Variants in ABCC4 observed in about 807,000 individuals in gnomAD.
The protein encoded by ABCC4 is ATP-binding cassette sub-family C member 4.
In ABCC4, 102 loss-of-function variants were observed where a neutral mutation model predicts 168.5. That is an observed-to-expected ratio of 0.61 (90% CI 0.52 to 0.71). ABCC4 has a LOEUF of 0.71. Ranked by LOEUF, ABCC4 falls within the 30% of genes least tolerant of loss-of-function variation. ABCC4 has a pLI of 0.00. For synonymous variants in ABCC4, 617 were observed against 590.7 expected, an observed-to-expected ratio of 1.04 and a Z score of -0.65; for missense variants, 1,402 against 1,605.8, an observed-to-expected ratio of 0.87 and a Z score of 2.17.
intron 1 of ABCC4, among the ~76,000 whole-genome samples, chr13:95,297,743 G>A (rs767635310): frequency 1.3e-5 from 2 of 152,192 alleles, no homozygotes; most frequent in East Asian, 3.9e-4. Context: ...GGCCGAGGCA[G>A]GCAGATCGCT....
intron 19 of ABCC4, among the ~76,000 whole-genome samples, chr13:95,124,069 T>A (rs922837129): frequency 6.6e-6 from 1 of 151,980 alleles, no homozygotes; most frequent in African/African-American, 2.4e-5. Flanking sequence ...AGGACTTGGG[T>A]GTGGAATGGG....
At chr13:95,091,869 C>G (rs1318917085) in intron 20 of ABCC4, among the ~76,000 whole-genome samples, 1 of 152,110 alleles carries the variant, frequency 6.6e-6, no homozygotes, top group Non-Finnish European at 1.5e-5. Flanking sequence ...TTAAAAGATA[C>G]AGAAGTGCAG....
At chr13:95,170,673 T>A in intron 13 of ABCC4, 45 bp from the exon 14 acceptor site, 3 of 1,142,634 alleles carry the variant, frequency 2.6e-6, no homozygotes, top group Non-Finnish European at 3.9e-6. Context: ...ATGAATGGGG[T>A]GCTCCACATT....
At chr13:95,175,572 T>A (rs1406925285) in intron 13 of ABCC4, among the ~76,000 whole-genome samples, 1 of 152,150 alleles carries the variant, frequency 6.6e-6, no homozygotes, top group Non-Finnish European at 1.5e-5. Context: ...CTTCCCAAAG[T>A]GCTGGGATTA....
intron 27 of ABCC4, among the ~76,000 whole-genome samples, chr13:95,047,320 T>G (rs893289520): frequency 3.9e-5 from 6 of 152,190 alleles, no homozygotes; most frequent in Non-Finnish European, 7.3e-5. Flanking sequence ...CTAAGATTAT[T>G]TTGAAGATGT....
intron 19 of ABCC4, among the ~76,000 whole-genome samples, chr13:95,142,723 T>C (rs1032450868): frequency 6.6e-6 from 1 of 152,212 alleles, no homozygotes; most frequent in South Asian, 2.1e-4. Flanking sequence ...CTTATCATCA[T>C]ACTACTTGTG....
At chr13:95,077,589 C>T (rs145676466) in intron 21 of ABCC4, among the ~76,000 whole-genome samples, 28 of 151,982 alleles carry the variant, frequency 1.8e-4, no homozygotes, top group Non-Finnish European at 3.5e-4. Context: ...CAGGCTGCCT[C>T]AGCCACCCAA....
chr13:95,180,846 G>A (rs924572941), intron 11 of ABCC4, among the ~76,000 whole-genome samples: 9 of 152,178 alleles, frequency 5.9e-5, no homozygotes, highest in Admixed American at 5.9e-4. Context: ...TGCAGACAGG[G>A]AATAGGGAAG....
intron 1 of ABCC4, among the ~76,000 whole-genome samples, chr13:95,288,865 G>A (rs2041324351): frequency 6.6e-6 from 1 of 152,094 alleles, no homozygotes; most frequent in Admixed American, 6.6e-5. Flanking sequence ...ACAATAATAG[G>A]TAAAATCTAT....
chr13:95,106,007 G>A (rs897956597), intron 20 of ABCC4, among the ~76,000 whole-genome samples: 1 of 152,118 alleles, frequency 6.6e-6, no homozygotes, highest in Non-Finnish European at 1.5e-5. Context: ...CCCATCAACT[G>A]GGAATAACGT....
chr13:95,289,188 A>C (rs745568934), intron 1 of ABCC4, among the ~76,000 whole-genome samples: 1 of 152,234 alleles, frequency 6.6e-6, no homozygotes, highest in Non-Finnish European at 1.5e-5. Context: ...TCTCAATCAC[A>C]TCCTGACCAA....
At chr13:95,286,530 G>A (rs80193066) in intron 1 of ABCC4, among the ~76,000 whole-genome samples, 1 of 135,938 alleles carries the variant, frequency 7.4e-6, no homozygotes, top group Non-Finnish European at 1.6e-5. Flanking sequence ...TGTGGCCTTT[G>A]TTTTTTTAAT....
rs1314933987 is a variant in ABCC4, at chr13:95,301,434, G to C, written c.-120C>G. On this transcript the variant is annotated 5_prime_UTR_variant, in exon 1 of 31. Coordinates refer to ENST00000645237, the MANE Select transcript of ABCC4 (RefSeq NM_005845.5). ...CTCCGGCCGCCACGCCTGTCCGCTC[G>C]GCTGGAGCCTGTGAAGCAGCCGCTT... 13 of 808,980 alleles carry C rather than the reference G, an allele frequency of 1.6e-5. No homozygotes were observed. The highest frequency in any genetic ancestry group is 2.3e-5 in the Non-Finnish European group (13 of 575,216). The allele number at this position is 808,980 out of a possible 1,614,324, so 50.1% of individuals were successfully genotyped here.
chr13:95,091,140 T>C (rs1368054552), intron 20 of ABCC4, among the ~76,000 whole-genome samples: 1 of 152,132 alleles, frequency 6.6e-6, no homozygotes, highest in Non-Finnish European at 1.5e-5. Flanking sequence ...CCAAGAAGTC[T>C]GGGATTATGT....
chr13:95,029,167 CATAT>C (rs67576340), intron 30 of ABCC4, among the ~76,000 whole-genome samples: 3,324 of 82,840 alleles, frequency 0.04, 228 homozygotes, highest in African/African-American at 0.052. Context: ...AAAAAAAATA[CATAT>C]ATATATATAT....
intron 13 of ABCC4, among the ~76,000 whole-genome samples, chr13:95,175,559 C>T (rs1177712792): frequency 2.0e-5 from 3 of 152,190 alleles, no homozygotes; most frequent in Non-Finnish European, 4.4e-5. Flanking sequence ...CTGCCTGCCT[C>T]GGCTTCCCAA....
chr13:95,275,251 T>G (rs1176291657), intron 1 of ABCC4, among the ~76,000 whole-genome samples: 1 of 152,232 alleles, frequency 6.6e-6, no homozygotes, highest in African/African-American at 2.4e-5. Context: ...GCTGTGATTT[T>G]ACTGCAGGTA....
chr13:95,139,005 T>C (rs2036228806), intron 19 of ABCC4, among the ~76,000 whole-genome samples: 1 of 152,198 alleles, frequency 6.6e-6, no homozygotes, highest in Non-Finnish European at 1.5e-5. Context: ...CTGGTTGGCT[T>C]GTCTCCTGTA....
chr13:95,073,291 C>T lies in ABCC4; in HGVS notation c.2931G>A (p.Gly977=), dbSNP rs776977943. ...SLILAKTLDA[G]QVGLALSYAL... ...CATAGGACAGTGCCAAACCAACCTG[C>T]CCGGCATCCAGAGCTACGTAAGGAG... The change falls in exon 24 of 31, where the codon GGG becomes GGA. Residue 977 remains glycine (G), a synonymous_variant. Coordinates refer to ENST00000645237, the MANE Select transcript of ABCC4 (RefSeq NM_005845.5). 2.5e-6 allele frequency: 4 copies of T among 1,613,278 alleles called. No homozygotes were observed. Among genetic ancestry groups the T allele is most frequent in the East Asian group, 2.2e-5 (1 of 44,824 alleles).
Sources: gnomAD v4.1 joint callset for allele counts (sites outside exome capture counted in the v4.1 genomes callset) on GRCh38, gnomAD v4.1.1 for gene constraint, MANE v1.5 for transcripts, NCBI Gene and HGNC (gene_info 2026-07-23, HGNC 2026-07-21) for gene names.